Variants in CKM observed in about 807,000 individuals in gnomAD.
CKM encodes the protein creatine kinase, M-type, also known as creatine kinase M-type.
Under a neutral mutation model 35.4 loss-of-function variants are expected in CKM, and 28 were observed. The ratio of observed to expected loss-of-function variants is 0.79; its 90% CI spans 0.59 to 1.08. The LOEUF (loss-of-function observed/expected upper bound fraction) is 1.08, where lower values mean the gene tolerates loss of function less well. Among genes scored for constraint, CKM ranks in the 50% least tolerant of loss-of-function variants. The probability of loss-of-function intolerance (pLI) is 0.00; values close to 1 mark genes in which losing one functional copy is unlikely to be tolerated. For synonymous variants in CKM, 215 were observed against 204.4 expected, an observed-to-expected ratio of 1.05 and a Z score of -0.44; for missense variants, 484 against 509.8, an observed-to-expected ratio of 0.95 and a Z score of 0.49.
Position 45,306,822 on chromosome 19 carries a change from C to T in CKM, c.1074G>A (p.Lys358=). Residue 358 remains lysine (K), a synonymous_variant, in exon 8 of 8, where the codon AAG becomes AAA. Coordinates refer to ENST00000221476, the MANE Select transcript of CKM (RefSeq NM_001824.5). This position sits in a 1 kb window ranked among gnomAD's most constrained non-coding sequence, Gnocchi z 4.5. The stretch of plus-strand genomic sequence containing the variant: ...ACTTCTTCTCCATTTCCACCATGAG[C>T]TTCACACCATCCACCACCAGCTGCA... ...EQVQLVVDGV[K]LMVEMEKKLE... 1.2e-6 allele frequency: 2 copies of T among 1,614,212 alleles called. No homozygotes were observed. Among genetic ancestry groups the T allele is most frequent in the South Asian group, 2.2e-5 (2 of 91,084 alleles).
At chr19:45,310,721 G>C (rs778400735) in intron 5 of CKM, among the ~76,000 whole-genome samples, 1 of 145,420 alleles carries the variant, frequency 6.9e-6, no homozygotes, top group African/African-American at 2.6e-5. Context: ...TCAGCCTCTC[G>C]AGTAGCTGGG....
intron 4 of CKM, among the ~76,000 whole-genome samples, chr19:45,313,279 C>G (rs554569902): frequency 5.9e-5 from 9 of 152,222 alleles, no homozygotes; most frequent in Admixed American, 2.6e-4. Context: ...CTATATCTGT[C>G]ATGGCGATCC....
chr19:45,314,602 T>C lies in CKM; in HGVS notation c.481+863A>G, dbSNP rs548065890. Among the ~76,000 whole-genome samples, 5 of 151,558 alleles carry C rather than the reference T, an allele frequency of 3.3e-5. No homozygotes were observed. In the East Asian group the frequency reaches 9.7e-4, roughly 29 times the overall value. On this transcript the variant is annotated intron_variant, in intron 4 of 7. Transcript: ENST00000221476. ...CTGATTTTTGTATTTTTAGTAGAGATGGGGTTTTACCATGTTGGCCAGGCT... is the reference window on the plus strand; with the variant it reads ...CTGATTTTTGTATTTTTAGTAGAGACGGGGTTTTACCATGTTGGCCAGGCT...
Position 45,317,957 on chromosome 19 carries a change from C to G in CKM, c.216G>C (p.Val72=), listed in dbSNP as rs11559023. Residue 72 remains valine, a synonymous_variant, in exon 3 of 8, where the codon GTG becomes GTC. Transcript: ENST00000221476. ...DNPGHPFIMT[V]GCVAGDEESY... ...ACTCCTCATCACCAGCCACGCAGCCCACGGTCATGATGAAGGGGTGACCTG... is the reference window on the plus strand; with the variant it reads ...ACTCCTCATCACCAGCCACGCAGCCGACGGTCATGATGAAGGGGTGACCTG... 2 of 1,613,942 alleles carry G rather than the reference C, an allele frequency of 1.2e-6. No homozygotes were observed. The highest frequency in any genetic ancestry group is 4.5e-5 in the East Asian group (2 of 44,872).
chr19:45,316,498 CAG>C (rs1417386486), intron 3 of CKM, among the ~76,000 whole-genome samples: 1 of 150,036 alleles, frequency 6.7e-6, no homozygotes, highest in Non-Finnish European at 1.5e-5. Context: ...TTTTTTTGGG[CAG>C]AGACGGGTTC....
intron 3 of CKM, among the ~76,000 whole-genome samples, chr19:45,317,106 C>G (rs373825031): frequency 4.9e-4 from 74 of 151,572 alleles, no homozygotes; most frequent in African/African-American, 1.6e-3. Flanking sequence ...GTCCCTCTCT[C>G]TTTCCTTTTT....
intron 2 of CKM, 72 bp downstream of exon 2, chr19:45,319,449 G>T: frequency 8.1e-7 from 1 of 1,241,482 alleles, no homozygotes; most frequent in Non-Finnish European, 1.2e-6. Context: ...CAAGGGTGGT[G>T]GGATTGGGGC....
At chr19:45,313,456 C>T (rs1177780444) in intron 4 of CKM, among the ~76,000 whole-genome samples, 2 of 152,174 alleles carry the variant, frequency 1.3e-5, no homozygotes, top group East Asian at 3.8e-4. Flanking sequence ...TTCCCTGAGA[C>T]ACATGATTTT....
At chr19:45,315,032 C>T (rs1006806330) in intron 4 of CKM, among the ~76,000 whole-genome samples, 1 of 152,146 alleles carries the variant, frequency 6.6e-6, no homozygotes, top group Non-Finnish European at 1.5e-5. Context: ...TGGCTCCCCT[C>T]GGTCATTCTC....
At chr19:45,309,555 CAA>C (rs1157606063) in intron 5 of CKM, among the ~76,000 whole-genome samples, 28 of 74,810 alleles carry the variant, frequency 3.7e-4, no homozygotes, top group East Asian at 9.1e-4. Flanking sequence ...GACCCTGTCT[CAA>C]AAAAAAAAAA....
At chr19:45,320,455 G>T (rs1259541827) in intron 1 of CKM, among the ~76,000 whole-genome samples, 2 of 152,230 alleles carry the variant, frequency 1.3e-5, no homozygotes, top group Non-Finnish European at 2.9e-5. Flanking sequence ...GGTCAGGCAG[G>T]CTGTGTAACT....
chr19:45,312,611 G>T (rs903217701), intron 4 of CKM, among the ~76,000 whole-genome samples: 1 of 151,516 alleles, frequency 6.6e-6, no homozygotes, highest in Non-Finnish European at 1.5e-5. Context: ...TAGTAGAGAC[G>T]GGGTTTCTCC....
chr19:45,319,853 C>T (rs978585934), intron 1 of CKM, 122 bp from the exon 2 acceptor site: 199 of 739,558 alleles, frequency 2.7e-4, no homozygotes, highest in Non-Finnish European at 8.4e-5. Flanking sequence ...TGCAGTGGCA[C>T]GATCTCGGCT....
In CKM at chr19:45,315,448, G is replaced by A. The variant is rs769613327; in HGVS notation, c.481+17C>T. 13 of 1,597,440 alleles carry A rather than the reference G, an allele frequency of 8.1e-6. No homozygotes were observed. In the Middle Eastern group the frequency reaches 6.7e-4, roughly 83 times the overall value. Reference sequence around the variant, plus strand: ...GGGCTGGGTGACCCCAGCAGTGGACGGGGTAGGGGCGCTCACCTTCCACAG... The same window carrying A: ...GGGCTGGGTGACCCCAGCAGTGGACAGGGTAGGGGCGCTCACCTTCCACAG... On this transcript the variant is annotated intron_variant, in intron 4 of 7. Transcript: ENST00000221476.
chr19:45,319,355 G>A (rs1455844678), intron 2 of CKM, among the ~76,000 whole-genome samples, 166 bp downstream of exon 2: 2 of 152,104 alleles, frequency 1.3e-5, no homozygotes, highest in Non-Finnish European at 2.9e-5. Context: ...ACCTCGCACT[G>A]TCCCAAGCCT....
intron 7 of CKM, among the ~76,000 whole-genome samples, 171 bp downstream of exon 7, chr19:45,307,290 T>C (rs1049660385): frequency 7.2e-5 from 11 of 152,204 alleles, no homozygotes; most frequent in Non-Finnish European, 1.3e-4. Flanking sequence ...CATTGACTCC[T>C]ATCACATAGG....
chr19:45,321,203 CTGT>C (rs1398002639), intron 1 of CKM, among the ~76,000 whole-genome samples: 9 of 151,756 alleles, frequency 5.9e-5, no homozygotes, highest in South Asian at 4.2e-4. Context: ...GGCACCTGGC[CTGT>C]TGTTGTTATT....
At chr19:45,311,091 T>A (rs907996752) in intron 5 of CKM, among the ~76,000 whole-genome samples, 20 of 149,312 alleles carry the variant, frequency 1.3e-4, no homozygotes, top group Non-Finnish European at 2.5e-4. Flanking sequence ...TTTTTTTTTT[T>A]AATTTTTGTA....
At chr19:45,316,571 G>A (rs1475981371) in intron 3 of CKM, among the ~76,000 whole-genome samples, 2 of 151,466 alleles carry the variant, frequency 1.3e-5, no homozygotes, top group African/African-American at 4.9e-5. Flanking sequence ...TCACACCTCA[G>A]CCTCCATAAG....
Sources: gnomAD v4.1 joint callset for allele counts (sites outside exome capture counted in the v4.1 genomes callset) on GRCh38, gnomAD v4.1.1 for gene constraint, Gnocchi (gnomAD v3.1) non-coding constraint, MANE v1.5 for transcripts, NCBI Gene and HGNC (gene_info 2026-07-23, HGNC 2026-07-21) for gene names.